Variants in SIRT3 observed in about 807,000 individuals in gnomAD.
SIRT3 encodes the protein NAD-dependent protein deacetylase sirtuin-3, mitochondrial.
A neutral mutation model predicts 33.5 loss-of-function variants in SIRT3; 26 were observed. That is an observed-to-expected ratio of 0.78 (90% CI 0.57 to 1.08). The LOEUF is 1.08. SIRT3 is among the 50% of genes least tolerant of loss of function. The probability of loss-of-function intolerance (pLI) is 0.00; values close to 1 mark genes in which losing one functional copy is unlikely to be tolerated. For missense variants in SIRT3, 585 were observed against 530.1 expected (o/e 1.10, Z -1.02); for synonymous variants, 237 against 222.1 (o/e 1.07, Z -0.60).
At chr11:218,800 C>T in intron 6 of SIRT3, 32 bp downstream of exon 6, 2 of 1,614,052 alleles carry the variant, frequency 1.2e-6, no homozygotes, top group African/African-American at 1.3e-5. Flanking sequence ...AGAAGGGCAG[C>T]CCCTTGGATG....
chr11:236,415 C>T (rs1859160208), upstream of SIRT3: 1 of 945,548 alleles, frequency 1.1e-6, no homozygotes, highest in Non-Finnish European at 1.3e-6. Flanking sequence ...GCCCCCGGCG[C>T]CCCAGCCCCG....
upstream of SIRT3, chr11:236,715 G>A (rs1042938127): frequency 2.4e-5 from 10 of 416,540 alleles, no homozygotes; most frequent in East Asian, 5.5e-4. Context: ...ACACTACTGG[G>A]AAGATCCTCA....
At chr11:232,543 A>G (rs1258653695) in intron 3 of SIRT3, among the ~76,000 whole-genome samples, 1 of 152,174 alleles carries the variant, frequency 6.6e-6, no homozygotes, top group Admixed American at 6.5e-5. Flanking sequence ...GGGATTTGGA[A>G]GAAGGTGGTG....
chr11:227,752 G>C (rs930978348), intron 4 of SIRT3, among the ~76,000 whole-genome samples: 1 of 152,056 alleles, frequency 6.6e-6, no homozygotes, highest in African/African-American at 2.4e-5. Flanking sequence ...AGCCTCCTGA[G>C]TAGCTGGGAT....
At chr11:232,879 C>T (rs1858273559) in intron 3 of SIRT3, 104 bp downstream of exon 3, 4 of 1,105,162 alleles carry the variant, frequency 3.6e-6, no homozygotes, top group Non-Finnish European at 5.3e-6. Flanking sequence ...AACAGGCACC[C>T]GAGCATCCCC....
rs200601909 is a variant in SIRT3, at chr11:216,572, G to A, written c.*126C>T. The A allele has an allele frequency of 1.5e-4, 155 of 1,031,470 alleles. No homozygotes were observed. The African/African-American group carries it at 2.2e-3, about 15-fold the overall frequency. 63.9% of individuals were successfully genotyped at this position (1,031,470 alleles called of 1,614,324 possible). On this transcript the variant is annotated 3_prime_UTR_variant, in exon 7 of 7. Transcript: ENST00000382743. ...AGAAGACATTCCAGTGGCAGCCTCG[G>A]GTGTCCACTCAGTTCACATATTCTG...
intron 6 of SIRT3, among the ~76,000 whole-genome samples, chr11:216,940 T>C (rs531524719): frequency 6.6e-6 from 1 of 152,376 alleles, no homozygotes; most frequent in African/African-American, 2.4e-5. Flanking sequence ...GGTCTTAAAG[T>C]ACCCAAATCA....
intron 4 of SIRT3, among the ~76,000 whole-genome samples, chr11:229,101 C>A (rs1409700958): frequency 3.3e-5 from 5 of 152,228 alleles, no homozygotes; most frequent in Admixed American, 2.6e-4. Flanking sequence ...CCCTTGCCCA[C>A]TGTTGGTGGA....
intron 3 of SIRT3, among the ~76,000 whole-genome samples, chr11:232,107 T>A (rs1160643664): frequency 1.3e-5 from 2 of 151,878 alleles, no homozygotes; most frequent in African/African-American, 2.4e-5. Context: ...TTTTATTTTT[T>A]AATTATTTTT....
At chr11:235,997 C>A in intron 1 of SIRT3, 51 bp downstream of exon 1, 3 of 1,410,186 alleles carry the variant, frequency 2.1e-6, no homozygotes. Context: ...AAAGAGTGGG[C>A]GAGGTGTCGA....
intron 4 of SIRT3, chr11:225,995 G>C (rs1261238034): frequency 6.6e-6 from 1 of 152,194 alleles, no homozygotes; most frequent in Non-Finnish European, 1.5e-5. Flanking sequence ...AATTACATGT[G>C]GTCCTTCAAA....
Position 223,852 on chromosome 11 carries a change from G to C in SIRT3, c.969+226C>G. On this transcript the variant is annotated intron_variant, in intron 5 of 6. Transcript: ENST00000382743. The surrounding 1 kb of genome is among the most constrained non-coding windows in gnomAD (Gnocchi z 4.8). ...TCCAGCCTCCTCCCTGCACAGGCCTGCCGACAGCCCATGAGATGACTCCTG... is the reference window on the plus strand; with the variant it reads ...TCCAGCCTCCTCCCTGCACAGGCCTCCCGACAGCCCATGAGATGACTCCTG... 2.0e-6 allele frequency: 1 copy of C among 492,214 alleles called. No homozygotes were observed. The highest frequency in any genetic ancestry group is 3.8e-6 in the Non-Finnish European group (1 of 261,616). 30.5% of individuals were successfully genotyped at this position (492,214 alleles called of 1,614,324 possible).
chr11:223,365 G>C lies in SIRT3; in HGVS notation c.969+713C>G, dbSNP rs182701576. On this transcript the variant is annotated intron_variant, in intron 5 of 6. Coordinates refer to ENST00000382743, the MANE Select transcript of SIRT3 (RefSeq NM_012239.6). The surrounding 1 kb of genome is among the most constrained non-coding windows in gnomAD (Gnocchi z 4.8). ...ACCAAGCCAGACGCCTCCTTCTCAC[G>C]TCCCCAAAACATCACAGACTGCGAG... 4.7e-6 allele frequency: 1 copy of C among 212,236 alleles called. No homozygotes were observed. Among genetic ancestry groups the C allele is most frequent in the African/African-American group, 2.3e-5 (1 of 44,008 alleles). The allele number at this position is 212,236 out of a possible 1,614,324, so 13.1% of individuals were successfully genotyped here.
At chr11:225,156 G>A (rs10437755) in intron 4 of SIRT3, among the ~76,000 whole-genome samples, 78 of 152,188 alleles carry the variant, frequency 5.1e-4, no homozygotes, top group African/African-American at 1.8e-3. Context: ...GCTCAGCTCT[G>A]TAATCCCAGG....
At chr11:231,721 C>T (rs945168146) in intron 3 of SIRT3, among the ~76,000 whole-genome samples, 1 of 152,212 alleles carries the variant, frequency 6.6e-6, no homozygotes, top group African/African-American at 2.4e-5. Flanking sequence ...TGCCCTGCTG[C>T]ACCTCTGGGA....
At chr11:222,114 G>T (rs1210028311) in intron 5 of SIRT3, among the ~76,000 whole-genome samples, 1 of 152,180 alleles carries the variant, frequency 6.6e-6, no homozygotes, top group African/African-American at 2.4e-5. Flanking sequence ...CGGTCAGCTG[G>T]TCTCAGCCCA....
intron 6 of SIRT3, 98 bp downstream of exon 6, chr11:218,734 G>T (rs1427561040): frequency 3.8e-6 from 6 of 1,560,626 alleles, no homozygotes; most frequent in Non-Finnish European, 5.2e-6. Flanking sequence ...AGCTATTACT[G>T]TTACTGTGTT....
At chr11:225,494 A>T (rs1220976928) in intron 4 of SIRT3, among the ~76,000 whole-genome samples, 2 of 152,228 alleles carry the variant, frequency 1.3e-5, no homozygotes, top group Admixed American at 1.3e-4. Flanking sequence ...ATAATGTAGC[A>T]GACTTGAAAA....
rs3782115 is a variant in SIRT3 at position 223,272 on chromosome 11, A to G, written c.969+806T>C. 130,890 of 176,526 alleles carry G rather than the reference A, an allele frequency of 0.74. 49,172 individuals are homozygous for G. Among genetic ancestry groups the G allele is most frequent in the African/African-American group, 0.86 (36,268 of 42,248 alleles). 10.9% of individuals were successfully genotyped at this position (176,526 alleles called of 1,614,324 possible). A position where few individuals can be genotyped will look rare whatever the true frequency, so the allele number is the denominator to read the frequency against. ...GCATGTTTCCCGACACCTCAGACAC[A>G]CACAGAACCGAGCTGGGCATCCTCC... On this transcript the variant is annotated intron_variant, in intron 5 of 6. Coordinates refer to ENST00000382743, the MANE Select transcript of SIRT3 (RefSeq NM_012239.6). The surrounding 1 kb of genome is among the most constrained non-coding windows in gnomAD (Gnocchi z 4.8).
Sources: allele counts gnomAD v4.1 joint callset (sites outside exome capture counted in the v4.1 genomes callset), GRCh38; gene constraint gnomAD v4.1.1; non-coding constraint Gnocchi (gnomAD v3.1); transcripts MANE v1.5; gene names NCBI Gene and HGNC (gene_info 2026-07-23, HGNC 2026-07-21).